Variants in SYN3 observed in about 807,000 individuals in gnomAD.
SYN3 encodes the protein synapsin III, also known as synapsin-3.
SYN3 carries 35 observed loss-of-function variants against 65.8 expected under a neutral mutation model. The ratio of observed to expected loss-of-function variants is 0.53; its 90% confidence interval spans 0.41 to 0.70. The LOEUF (loss-of-function observed/expected upper bound fraction) is 0.70. Ranked by LOEUF, SYN3 falls within the 30% of genes least tolerant of loss-of-function variation. The pLI is 0.00. For missense variants in SYN3, 680 were observed against 749.0 expected (o/e 0.91, Z 1.08); for synonymous variants, 270 against 292.9 (o/e 0.92, Z 0.80).
At chr22:32,919,758 T>C (rs980778941) in intron 4 of SYN3, among the ~76,000 whole-genome samples, 1 of 152,186 alleles carries the variant, frequency 6.6e-6, no homozygotes, top group Non-Finnish European at 1.5e-5. Context: ...GTTAGAGAAG[T>C]CCCAGGATAG....
chr22:32,875,694 G>A (rs2048964796), intron 4 of SYN3, among the ~76,000 whole-genome samples: 1 of 152,192 alleles, frequency 6.6e-6, no homozygotes, highest in South Asian at 2.1e-4. Flanking sequence ...GAGGGAGTCA[G>A]AGATTGGAGT....
At chr22:32,964,286 G>C (rs1427304127) in intron 3 of SYN3, among the ~76,000 whole-genome samples, 5 of 131,924 alleles carry the variant, frequency 3.8e-5, no homozygotes, top group African/African-American at 1.4e-4. Flanking sequence ...GTTGTGGGGT[G>C]GGGGGAGGGG....
At chr22:32,760,972 G>A (rs534600438) in intron 6 of SYN3, among the ~76,000 whole-genome samples, 271 of 152,324 alleles carry the variant, frequency 1.8e-3, no homozygotes, top group African/African-American at 6.3e-3. Context: ...GTCTTACAAT[G>A]TTCCTCTCAA....
chr22:32,614,821 C>G (rs1182933687), intron 6 of SYN3, among the ~76,000 whole-genome samples: 1 of 152,100 alleles, frequency 6.6e-6, no homozygotes, highest in African/African-American at 2.4e-5. Flanking sequence ...AGAGCGGGGC[C>G]CCCTCCTCGG....
intron 6 of SYN3, among the ~76,000 whole-genome samples, chr22:32,766,296 C>T (rs2045625408): frequency 6.6e-6 from 1 of 152,132 alleles, no homozygotes; most frequent in African/African-American, 2.4e-5. Context: ...CTCATGATCA[C>T]CTAGAATAGA....
intron 6 of SYN3, chr22:32,857,429 C>A: frequency 8.5e-7 from 1 of 1,178,174 alleles, no homozygotes. Context: ...TTCAGAAGAA[C>A]ACATACGGAG....
At chr22:32,949,483 C>A (rs903712835) in intron 3 of SYN3, among the ~76,000 whole-genome samples, 9 of 151,914 alleles carry the variant, frequency 5.9e-5, no homozygotes, top group South Asian at 2.1e-4. Context: ...GGATGCTTAA[C>A]CTGTAAGCAC....
chr22:32,752,458 C>A (rs1451027672), intron 6 of SYN3, among the ~76,000 whole-genome samples: 1 of 152,214 alleles, frequency 6.6e-6, no homozygotes, highest in Non-Finnish European at 1.5e-5. Context: ...CCCTTCAGCC[C>A]CCTCAGCACA....
At chr22:32,759,036 G>C (rs1018792) in intron 6 of SYN3, among the ~76,000 whole-genome samples, 23,171 of 151,946 alleles carry the variant, frequency 0.15, 2,271 homozygotes, top group East Asian at 0.35. Flanking sequence ...ACATCATTAA[G>C]ATTTACTCAT....
intron 6 of SYN3, among the ~76,000 whole-genome samples, chr22:32,864,304 C>T (rs968750271): frequency 6.6e-6 from 1 of 152,172 alleles, no homozygotes; most frequent in African/African-American, 2.4e-5. Flanking sequence ...AGCTCCTCCC[C>T]CCAACACTTT....
chr22:32,814,533 T>C (rs2047037686), intron 6 of SYN3, among the ~76,000 whole-genome samples: 1 of 151,970 alleles, frequency 6.6e-6, no homozygotes, highest in African/African-American at 2.4e-5. Context: ...TTGACCAGAG[T>C]GGAGATTTAG....
At chr22:32,867,139 C>T (rs764772734) in intron 5 of SYN3, among the ~76,000 whole-genome samples, 11 of 152,198 alleles carry the variant, frequency 7.2e-5, no homozygotes, top group Non-Finnish European at 1.3e-4. Context: ...CACCCTACAC[C>T]ACCAGGTGAT....
At chr22:32,641,425 G>T (rs189396080) in intron 6 of SYN3, among the ~76,000 whole-genome samples, 174 of 152,050 alleles carry the variant, frequency 1.1e-3, no homozygotes, top group African/African-American at 4.1e-3. Flanking sequence ...TGGCTAACAC[G>T]GTGAAACCCT....
At chr22:32,794,085 A>G (rs1374773319) in intron 6 of SYN3, among the ~76,000 whole-genome samples, 1 of 152,246 alleles carries the variant, frequency 6.6e-6, no homozygotes, top group East Asian at 1.9e-4. Context: ...GTCCCTGTTC[A>G]GGAAGAGAGG....
chr22:32,671,821 A>C (rs2060374852), intron 6 of SYN3, among the ~76,000 whole-genome samples: 1 of 151,936 alleles, frequency 6.6e-6, no homozygotes, highest in Non-Finnish European at 1.5e-5. Flanking sequence ...GCTGTGACAC[A>C]GGTGCACACA....
At chr22:32,864,839 T>C (rs1207828379) in intron 6 of SYN3, 76 bp downstream of exon 6, 3 of 1,380,336 alleles carry the variant, frequency 2.2e-6, no homozygotes, top group Non-Finnish European at 1.0e-6. Context: ...ACCTCCTCCA[T>C]CCAAAGAGAC....
chr22:32,732,195 A>C (rs1346575364), intron 6 of SYN3, among the ~76,000 whole-genome samples: 1 of 152,152 alleles, frequency 6.6e-6, no homozygotes, highest in Non-Finnish European at 1.5e-5. Context: ...CTCATTTGAC[A>C]GTAAGGCAGG....
At chr22:32,831,138 G>A (rs2047562786) in intron 6 of SYN3, among the ~76,000 whole-genome samples, 1 of 152,172 alleles carries the variant, frequency 6.6e-6, no homozygotes, top group Non-Finnish European at 1.5e-5. Flanking sequence ...AGGTGGCAGC[G>A]TGACCCTTAT....
chr22:32,974,632 G>A (rs984662038), intron 3 of SYN3, among the ~76,000 whole-genome samples: 10 of 152,152 alleles, frequency 6.6e-5, no homozygotes, highest in African/African-American at 1.7e-4. Flanking sequence ...TTATTAGAGT[G>A]TCTCACTAGC....
Sources: allele counts gnomAD v4.1 joint callset (sites outside exome capture counted in the v4.1 genomes callset), GRCh38; gene constraint gnomAD v4.1.1; transcripts MANE v1.5; gene names NCBI Gene and HGNC (gene_info 2026-07-23, HGNC 2026-07-21).